The following PIK3C3 variants were observed in gnomAD, a reference collection of about 807,000 sequenced individuals.
PIK3C3 encodes the protein PI3-kinase type 3.
Under a neutral mutation model 126.1 loss-of-function variants are expected in PIK3C3, and 95 were observed. That is an observed-to-expected ratio of 0.75 (90% CI 0.64 to 0.89). PIK3C3 has a LOEUF of 0.89. Ranked by LOEUF, PIK3C3 falls within the 40% of genes least tolerant of loss-of-function variation. PIK3C3 has a pLI of 0.00. For synonymous variants in PIK3C3, 374 were observed against 360.0 expected, an observed-to-expected ratio of 1.04 and a Z score of -0.44; for missense variants, 829 against 1,063.2, an observed-to-expected ratio of 0.78 and a Z score of 3.06.
At chr18:42,059,594 T>C (rs1477226444) in intron 22 of PIK3C3, among the ~76,000 whole-genome samples, 1 of 152,156 alleles carries the variant, frequency 6.6e-6, no homozygotes, top group East Asian at 1.9e-4. Flanking sequence ...AGCAATTCAA[T>C]AGAATAAGAA....
At chr18:41,980,228 A>G (rs1021782623) in intron 4 of PIK3C3, among the ~76,000 whole-genome samples, 3 of 152,116 alleles carry the variant, frequency 2.0e-5, no homozygotes, top group African/African-American at 7.2e-5. Flanking sequence ...ATTCTTTGTA[A>G]GAAATATCTA....
intron 3 of PIK3C3, 64 bp from the exon 4 acceptor site, chr18:41,970,263 C>G (rs770007176): frequency 1.1e-5 from 16 of 1,396,016 alleles, no homozygotes; most frequent in Non-Finnish European, 1.6e-5. Context: ...TTTTAGGAAT[C>G]TAAAATTTCC....
At chr18:42,010,894 G>T (rs1313538522) in intron 10 of PIK3C3, among the ~76,000 whole-genome samples, 5 of 152,172 alleles carry the variant, frequency 3.3e-5, no homozygotes, top group Non-Finnish European at 7.4e-5. Flanking sequence ...AAGTCGAAAT[G>T]ACTTCTTGAT....
chr18:42,054,181 TATATATATA>T (rs1458779421), intron 21 of PIK3C3, among the ~76,000 whole-genome samples: 2 of 69,838 alleles, frequency 2.9e-5, no homozygotes, highest in East Asian at 8.6e-4. Context: ...TATATATATA[TATATATATA>T]TAAAGGGGAA....
At position 41,969,304 on chromosome 18, in the gene PIK3C3, T is replaced by C. The variant is rs139622942; in HGVS notation, c.402-1023T>C. The stretch of plus-strand genomic sequence containing the variant: ...GATGCTGTTTGAGTAGACTTTATGT[T>C]TGAAAATTCTTGTTCAAAAATATTT... On this transcript the variant is annotated intron_variant, in intron 3 of 24. Coordinates refer to ENST00000262039, the MANE Select transcript of PIK3C3 (RefSeq NM_002647.4). Among the ~76,000 whole-genome samples, 75 of 152,288 alleles carry C rather than the reference T, an allele frequency of 4.9e-4. No individual in the cohort carries two copies. In the East Asian group the frequency reaches 0.01, roughly 21 times the overall value.
chr18:41,963,651 T>G (rs1388301858), intron 3 of PIK3C3, among the ~76,000 whole-genome samples: 2 of 152,204 alleles, frequency 1.3e-5, no homozygotes, highest in African/African-American at 4.8e-5. Context: ...GTCTTAATTT[T>G]TGTCTACTTT....
At chr18:41,961,891 T>G (rs1980107110) in intron 2 of PIK3C3, among the ~76,000 whole-genome samples, 1 of 152,178 alleles carries the variant, frequency 6.6e-6, no homozygotes, top group South Asian at 2.1e-4. Flanking sequence ...TATACAGATG[T>G]GCTTTGAAAG....
intron 21 of PIK3C3, 25 bp downstream of exon 21, chr18:42,049,630 A>T: frequency 6.6e-7 from 1 of 1,517,272 alleles, no homozygotes; most frequent in Non-Finnish European, 9.2e-7. Context: ...CTACCAGTAG[A>T]CATACATTGT....
In PIK3C3 at chr18:42,084,222, C is replaced by T. The variant is rs1031855509; in HGVS notation, c.*3085C>T. On this transcript the variant is annotated 3_prime_UTR_variant, in exon 25 of 25. Coordinates refer to ENST00000262039, the MANE Select transcript of PIK3C3 (RefSeq NM_002647.4). The stretch of plus-strand genomic sequence containing the variant: ...ATTTTTGCACATAAGTATAACATTG[C>T]GATTTAAAACAATAAACCAGATTGA... The T allele has an allele frequency of 6.6e-6, 1 of 152,084 alleles. No homozygotes were observed. The highest frequency in any genetic ancestry group is 6.5e-5 in the Admixed American group (1 of 15,282). The allele number at this position is 152,084 out of a possible 1,614,324, so 9.4% of individuals were successfully genotyped here. A position where few individuals can be genotyped will look rare whatever the true frequency, so the allele number is the denominator to read the frequency against.
At chr18:42,023,515 T>C (rs1448341784) in intron 13 of PIK3C3, among the ~76,000 whole-genome samples, 1 of 152,250 alleles carries the variant, frequency 6.6e-6, no homozygotes, top group Admixed American at 6.5e-5. Context: ...CTCTGATTCA[T>C]TGAATCAATA....
chr18:41,967,877 G>C (rs896105658), intron 3 of PIK3C3, among the ~76,000 whole-genome samples: 3 of 152,226 alleles, frequency 2.0e-5, no homozygotes, highest in Admixed American at 1.3e-4. Flanking sequence ...AACAGCAGCT[G>C]TTGCTGGGGC....
intron 10 of PIK3C3, 66 bp from the exon 11 acceptor site, chr18:42,013,376 T>A: frequency 1.1e-6 from 1 of 922,778 alleles, no homozygotes; most frequent in Admixed American, 2.8e-5. Flanking sequence ...TATTTAGGAA[T>A]AAATTATGTC....
chr18:42,047,470 G>A (rs1984609760), intron 20 of PIK3C3, among the ~76,000 whole-genome samples: 2 of 152,088 alleles, frequency 1.3e-5, no homozygotes, highest in Non-Finnish European at 1.5e-5. Flanking sequence ...TTTCAATGGG[G>A]AGTCTGTAGT....
At chr18:42,047,156 G>GT (rs564459645) in intron 20 of PIK3C3, among the ~76,000 whole-genome samples, 27 of 152,240 alleles carry the variant, frequency 1.8e-4, no homozygotes, top group Non-Finnish European at 3.7e-4. Context: ...TTGAAACAAA[G>GT]TAAATAGTGA....
chr18:42,013,584 C>T lies in PIK3C3; in HGVS notation c.1313C>T (p.Ala438Val). Residue 438 changes from alanine (A) to valine (V), a missense_variant, in exon 11 of 25, where the codon GCA becomes GTA. Transcript: ENST00000262039. ...GTGTCAAATTCTGGAATAAATTCTG[C>T]AGAAATAGATAGGTATGGATATCCA... The part of the protein sequence containing the change: ...ENVSNSGINS[A>V]EIDSSQIITS... The T allele has an allele frequency of 6.3e-7, 1 of 1,598,892 alleles. No homozygotes were observed. The highest frequency in any genetic ancestry group is 8.5e-7 in the Non-Finnish European group (1 of 1,171,452).
chr18:42,000,784 C>A (rs1400214584), intron 9 of PIK3C3, among the ~76,000 whole-genome samples: 2 of 152,098 alleles, frequency 1.3e-5, no homozygotes, highest in African/African-American at 2.4e-5. Context: ...CCTTATATAG[C>A]CATCAGATCT....
chr18:42,083,562 T>C lies in PIK3C3; in HGVS notation c.*2425T>C, dbSNP rs1986323448. On this transcript the variant is annotated 3_prime_UTR_variant, in exon 25 of 25. Coordinates refer to ENST00000262039, the MANE Select transcript of PIK3C3 (RefSeq NM_002647.4). ...TTAGCAAAAATCATTCTCCATATGA[T>C]AGTTTTAGATGTTCCCCAGCTCATT... The C allele has an allele frequency of 6.6e-6, 1 of 152,156 alleles. No individual in the cohort carries two copies. Among genetic ancestry groups the C allele is most frequent in the Non-Finnish European group, 1.5e-5 (1 of 68,018 alleles). 9.4% of individuals were successfully genotyped at this position (152,156 alleles called of 1,614,324 possible). A position where few individuals can be genotyped will look rare whatever the true frequency, so the allele number is the denominator to read the frequency against.
chr18:42,000,795 C>A (rs903654577), intron 9 of PIK3C3, among the ~76,000 whole-genome samples: 4 of 152,154 alleles, frequency 2.6e-5, no homozygotes, highest in Admixed American at 2.6e-4. Flanking sequence ...CATCAGATCT[C>A]ATGAGACTTA....
At chr18:41,978,594 A>G (rs993316850) in intron 4 of PIK3C3, among the ~76,000 whole-genome samples, 1 of 152,164 alleles carries the variant, frequency 6.6e-6, no homozygotes, top group East Asian at 1.9e-4. Context: ...AATATTTTAA[A>G]ATTTTCTTTC....
Sources: gnomAD v4.1 joint callset for allele counts (sites outside exome capture counted in the v4.1 genomes callset) on GRCh38, gnomAD v4.1.1 for gene constraint, MANE v1.5 for transcripts, NCBI Gene and HGNC (gene_info 2026-07-23, HGNC 2026-07-21) for gene names.